XPO4: variants seen among roughly 807,000 people sequenced by gnomAD.
XPO4 encodes the protein exportin-4.
A neutral mutation model predicts 143.0 loss-of-function variants in XPO4; 39 were observed. That is an observed-to-expected ratio of 0.27 (90% confidence interval 0.21 to 0.36). XPO4 has a LOEUF of 0.36. Among genes scored for constraint, XPO4 ranks in the 10% least tolerant of loss-of-function variants. The pLI is 1.00. For missense variants in XPO4, 907 were observed against 1,348.0 expected (o/e 0.67, Z 5.12); for synonymous variants, 439 against 474.0 (o/e 0.93, Z 0.96).
chr13:20,845,452 T>A (rs1208480070), intron 4 of XPO4, among the ~76,000 whole-genome samples: 2 of 152,200 alleles, frequency 1.3e-5, no homozygotes, highest in African/African-American at 2.4e-5. Flanking sequence ...CATGACTTAA[T>A]ATAAAAATGT....
intron 18 of XPO4, among the ~76,000 whole-genome samples, chr13:20,794,412 G>A (rs1031669152): frequency 6.6e-6 from 1 of 152,206 alleles, no homozygotes; most frequent in Admixed American, 6.5e-5. Flanking sequence ...GAGTAATCAT[G>A]ACAGTAAATC....
At chr13:20,865,514 G>A in intron 2 of XPO4, 1 of 985,054 alleles carries the variant, frequency 1.0e-6, no homozygotes, top group Non-Finnish European at 1.2e-6. Flanking sequence ...ATTATTTTAG[G>A]TCACTTTAGC....
intron 3 of XPO4, among the ~76,000 whole-genome samples, chr13:20,860,423 G>A (rs757579176): frequency 7.9e-5 from 12 of 152,082 alleles, no homozygotes; most frequent in Non-Finnish European, 1.5e-4. Flanking sequence ...AAATATTTTC[G>A]TAGGGTAAAG....
At chr13:20,797,157 G>A (rs1453931520) in intron 16 of XPO4, 100 bp from the exon 17 acceptor site, 1 of 1,192,966 alleles carries the variant, frequency 8.4e-7, no homozygotes, top group African/African-American at 1.5e-5. Flanking sequence ...CTAATTGTTG[G>A]AGGCAGGACA....
intron 4 of XPO4, among the ~76,000 whole-genome samples, chr13:20,847,584 A>G (rs1429652926): frequency 6.6e-6 from 1 of 152,180 alleles, no homozygotes; most frequent in African/African-American, 2.4e-5. Context: ...TTCCGAGTGC[A>G]CTACCCCCTA....
In XPO4 at chr13:20,822,227, C is replaced by A; in HGVS notation, c.903G>T (p.Gln301His). 2 of 1,613,994 alleles carry A rather than the reference C, an allele frequency of 1.2e-6. No individual in the cohort carries two copies. Among genetic ancestry groups the A allele is most frequent in the Non-Finnish European group, 1.7e-6 (2 of 1,179,898 alleles). The change falls in exon 8 of 23, where the codon CAG becomes CAT. Residue 301 changes from glutamine (Q) to histidine (H), a missense_variant. Gln to His is a conservative substitution (Grantham distance 24, BLOSUM62 0). Coordinates refer to ENST00000255305, the MANE Select transcript of XPO4 (RefSeq NM_022459.5). ...MAQDSLQCLA[Q>H]LASLHGPIFP... The stretch of plus-strand genomic sequence containing the variant: ...AGATGGGTCCATGAAGAGAAGCTAA[C>A]TGGGCAAGGCACTGCAGAGAATCTT...
intron 9 of XPO4, among the ~76,000 whole-genome samples, chr13:20,820,026 G>T (rs1292116203): frequency 6.6e-6 from 1 of 152,046 alleles, no homozygotes; most frequent in Admixed American, 6.6e-5. Flanking sequence ...TTTTCCCTCT[G>T]TCCTTTTCAA....
chr13:20,849,585 C>A (rs756559172), intron 4 of XPO4: 4 of 985,224 alleles, frequency 4.1e-6, no homozygotes, highest in Non-Finnish European at 4.8e-6. Flanking sequence ...ATGAAATAAC[C>A]ACGTAACCTT....
intron 7 of XPO4, among the ~76,000 whole-genome samples, chr13:20,822,742 T>C (rs1019324952): frequency 6.6e-6 from 1 of 152,238 alleles, no homozygotes; most frequent in Admixed American, 6.5e-5. Flanking sequence ...CAATATACCA[T>C]TGAATCCCTA....
chr13:20,796,566 TAAAAA>T (rs574069077), intron 17 of XPO4, among the ~76,000 whole-genome samples, 193 bp downstream of exon 17: 7 of 150,552 alleles, frequency 4.6e-5, no homozygotes, highest in African/African-American at 1.7e-4. Flanking sequence ...TAGAAGAAAT[TAAAAA>T]AAAAATTTAC....
intron 13 of XPO4, among the ~76,000 whole-genome samples, chr13:20,806,190 T>C (rs932884523): frequency 6.6e-6 from 1 of 152,160 alleles, no homozygotes. Context: ...ATGACTAAGG[T>C]AATCCTAAAA....
At chr13:20,866,085 T>C (rs781194274) in intron 2 of XPO4, 16 of 985,446 alleles carry the variant, frequency 1.6e-5, no homozygotes, top group Non-Finnish European at 1.9e-5. Context: ...TTCTTGATTA[T>C]TTCTTTAACA....
chr13:20,799,087 G>T, intron 16 of XPO4, 78 bp downstream of exon 16: 3 of 1,291,612 alleles, frequency 2.3e-6, no homozygotes, highest in South Asian at 3.9e-5. Context: ...TGTCTCCAGA[G>T]ACTCTTACGG....
chr13:20,902,661 C>A lies in XPO4; in HGVS notation c.69+9G>T. 1 of 1,566,980 alleles carries A rather than the reference C, an allele frequency of 6.4e-7. No homozygotes were observed. The highest frequency in any genetic ancestry group is 8.6e-7 in the Non-Finnish European group (1 of 1,157,200). On this transcript the variant is annotated intron_variant, in intron 1 of 22. Coordinates refer to ENST00000255305, the MANE Select transcript of XPO4 (RefSeq NM_022459.5). Reference sequence around the variant, plus strand: ...GAATCCCGGGGTCTGAGGGGCGCGGCGTCCTCACCATCAGAACTTTAGCCG... The same window carrying A: ...GAATCCCGGGGTCTGAGGGGCGCGGAGTCCTCACCATCAGAACTTTAGCCG...
intron 6 of XPO4, among the ~76,000 whole-genome samples, chr13:20,839,341 G>C (rs2059950269): frequency 6.6e-6 from 1 of 152,194 alleles, no homozygotes; most frequent in African/African-American, 2.4e-5. Flanking sequence ...TAAATGCATA[G>C]ACAGAAAGTG....
intron 1 of XPO4, among the ~76,000 whole-genome samples, chr13:20,896,133 A>G (rs1239374258): frequency 6.6e-6 from 1 of 152,156 alleles, no homozygotes; most frequent in Non-Finnish European, 1.5e-5. Context: ...CTAACTTTCT[A>G]TTCTTTTCCT....
chr13:20,831,804 ATTTTTTTT>A (rs34302388), intron 6 of XPO4, among the ~76,000 whole-genome samples: 1 of 88,786 alleles, frequency 1.1e-5, no homozygotes, highest in African/African-American at 4.4e-5. Context: ...TAGTACAGTG[ATTTTTTTT>A]TTTTTTTTTT....
intron 1 of XPO4, chr13:20,879,303 G>A: frequency 1.0e-6 from 1 of 985,368 alleles, no homozygotes; most frequent in Non-Finnish European, 1.2e-6. Flanking sequence ...GGGGGACCAG[G>A]GAAGAGAAAA....
At chr13:20,897,448 A>G (rs1007960270) in intron 1 of XPO4, among the ~76,000 whole-genome samples, 3 of 152,214 alleles carry the variant, frequency 2.0e-5, no homozygotes, top group Non-Finnish European at 2.9e-5. Flanking sequence ...AGGGTTACCT[A>G]TTCCAAGAAG....
Sources: allele counts gnomAD v4.1 joint callset (sites outside exome capture counted in the v4.1 genomes callset), GRCh38; gene constraint gnomAD v4.1.1; transcripts MANE v1.5; gene names NCBI Gene and HGNC (gene_info 2026-07-23, HGNC 2026-07-21).